ZNF519: variants seen among roughly 807,000 people sequenced by gnomAD.
The protein encoded by ZNF519 is zinc finger protein 519, also known as similar to Zinc finger protein 85 (Zinc finger protein HPF4) (HTF1).
Under a neutral mutation model 7.4 loss-of-function variants are expected in ZNF519, and 7 were observed. That is an observed-to-expected ratio of 0.94 (90% CI 0.54 to 1.77). ZNF519 has a LOEUF of 1.77. Among genes scored for constraint, ZNF519 ranks in the 40% most tolerant of loss-of-function variants. ZNF519 has a pLI of 0.00. For synonymous variants in ZNF519, 179 were observed against 203.3 expected (o/e 0.88, Z 1.02); for missense variants, 586 against 623.1 (o/e 0.94, Z 0.63).
At chr18:14,131,135 G>T (rs1280091525) in intron 1 of ZNF519, among the ~76,000 whole-genome samples, 1 of 152,114 alleles carries the variant, frequency 6.6e-6, no homozygotes, top group Non-Finnish European at 1.5e-5. Flanking sequence ...GTTTCCCAAC[G>T]AAAACCTCAA....
chr18:14,072,982 T>C (rs1439749931), downstream of ZNF519: 1 of 152,150 alleles, frequency 6.6e-6, no homozygotes, highest in Non-Finnish European at 1.5e-5. Flanking sequence ...CATAGCCAGA[T>C]TTGAAGACAC....
At chr18:14,120,968 T>C (rs1420230771) in intron 2 of ZNF519, among the ~76,000 whole-genome samples, 1 of 152,066 alleles carries the variant, frequency 6.6e-6, no homozygotes, top group Admixed American at 6.6e-5. Context: ...TGTGTGTGTG[T>C]GTACATACAC....
chr18:14,131,181 G>A (rs2046328006), intron 1 of ZNF519, among the ~76,000 whole-genome samples: 1 of 152,142 alleles, frequency 6.6e-6, no homozygotes, highest in South Asian at 2.1e-4. Flanking sequence ...TTGTGCTAAG[G>A]GAGGATACAA....
At chr18:14,099,273 C>A (rs1468378978), downstream of ZNF519, among the ~76,000 whole-genome samples, 1 of 145,710 alleles carries the variant, frequency 6.9e-6, no homozygotes, top group Non-Finnish European at 1.5e-5. Context: ...AAAAATACTT[C>A]TTCCTTATTT....
Position 14,086,185 on chromosome 18 carries a change from C to T in ZNF519, c.131-1109G>A, listed in dbSNP as rs569563431. On this transcript the variant is annotated intron_variant and NMD_transcript_variant, in intron 2 of 4. Coordinates refer to the ZNF519 transcript ENST00000587419. ...CAGTGCTGGCATACCATCGTGAAAC[C>T]CAACACTGGGGAAGACTCAGTGGCC... Among the ~76,000 whole-genome samples the T allele has an allele frequency of 3.7e-4, 56 of 152,302 alleles. 1 individual carries two copies. Among genetic ancestry groups the T allele is most frequent in the South Asian group, 2.9e-3 (14 of 4,824 alleles).
chr18:14,124,278 G>A, intron 2 of ZNF519, 72 bp downstream of exon 2: 7 of 1,417,946 alleles, frequency 4.9e-6, no homozygotes, highest in Non-Finnish European at 5.7e-6. Flanking sequence ...AAGCTCTCAA[G>A]AGACAGTCTA....
At chr18:14,089,002 A>T (rs1598509392) in intron 2 of ZNF519, among the ~76,000 whole-genome samples, 1 of 152,164 alleles carries the variant, frequency 6.6e-6, no homozygotes, top group Non-Finnish European at 1.5e-5. Context: ...TTTATTTTTT[A>T]AAAATTACCT....
intron 2 of ZNF519, among the ~76,000 whole-genome samples, chr18:14,110,330 A>G (rs1236815591): frequency 6.6e-6 from 1 of 152,284 alleles, no homozygotes; most frequent in African/African-American, 2.4e-5. Flanking sequence ...ATGCAACAAA[A>G]ACAAACATAA....
chr18:14,086,426 G>A (rs890199416), intron 2 of ZNF519, among the ~76,000 whole-genome samples: 2 of 152,214 alleles, frequency 1.3e-5, no homozygotes, highest in Non-Finnish European at 2.9e-5. Flanking sequence ...GTGGCTTTGG[G>A]CATGATGTAG....
intron 1 of ZNF519, among the ~76,000 whole-genome samples, chr18:14,128,690 A>AACTCAC (rs2046313859): frequency 7.7e-6 from 1 of 130,558 alleles, no homozygotes; most frequent in African/African-American, 3.0e-5. Flanking sequence ...TTCTGAGTCA[A>AACTCAC]ACACACACAC....
At chr18:14,106,534 A>C (rs1307038986) in intron 2 of ZNF519, 125 bp from the exon 3 acceptor site, 2 of 759,974 alleles carry the variant, frequency 2.6e-6, no homozygotes, top group Admixed American at 6.5e-5. Flanking sequence ...AAAACCAAGA[A>C]AGGACAGAGC....
intron 2 of ZNF519, among the ~76,000 whole-genome samples, chr18:14,089,396 C>CTAA (rs2046104975): frequency 1.3e-5 from 2 of 152,130 alleles, no homozygotes; most frequent in Admixed American, 6.5e-5. Flanking sequence ...TAGTCTGAGG[C>CTAA]TAATGAAAGA....
rs942651210 is a variant in ZNF519 at position 14,102,353 on chromosome 18, G to A, written c.*2564C>T. On this transcript the variant is annotated 3_prime_UTR_variant, in exon 3 of 3. Transcript: ENST00000590202. The stretch of plus-strand genomic sequence containing the variant: ...CAGCTAATTTTTTGTATTTTTGGTA[G>A]AGAGAGGGTTTTACTAAGTTGGCTA... 6.6e-6 allele frequency: 1 copy of A among 152,124 alleles called. No individual in the cohort carries two copies. The highest frequency in any genetic ancestry group is 1.5e-5 in the Non-Finnish European group (1 of 68,048). The allele number at this position is 152,124 out of a possible 1,614,324, so 9.4% of individuals were successfully genotyped here. A position where few individuals can be genotyped will look rare whatever the true frequency, so the allele number is the denominator to read the frequency against.
chr18:14,113,862 T>G (rs984375804), intron 2 of ZNF519, among the ~76,000 whole-genome samples: 13 of 133,234 alleles, frequency 9.8e-5, no homozygotes, highest in Admixed American at 8.2e-5. Flanking sequence ...AACATCTCAC[T>G]GTCATTTTGA....
chr18:14,087,302 AT>A (rs1331906051), intron 2 of ZNF519, among the ~76,000 whole-genome samples: 1 of 152,204 alleles, frequency 6.6e-6, no homozygotes, highest in African/African-American at 2.4e-5. Flanking sequence ...TATGTTTACC[AT>A]TTTTATTCAA....
downstream of ZNF519, among the ~76,000 whole-genome samples, chr18:14,099,749 C>A (rs1347070654): frequency 6.6e-6 from 1 of 152,064 alleles, no homozygotes; most frequent in Non-Finnish European, 1.5e-5. Context: ...ACCTTGTGTG[C>A]AAAAAGGTCT....
At chr18:14,083,938 C>T (rs1237540896) in intron 3 of ZNF519, among the ~76,000 whole-genome samples, 3 of 152,198 alleles carry the variant, frequency 2.0e-5, no homozygotes, top group Non-Finnish European at 4.4e-5. Context: ...TCCTATCCCT[C>T]TAACCCCACA....
rs558967461 is a variant in ZNF519 at position 14,092,298 on chromosome 18, A to C, written c.131-7222T>G. ...GTGTGAAGGGGGTGTCCTTCATTGG[A>C]ACACGAAGAGATGGCAGAGAAGTGC... is the stretch of plus-strand genomic sequence containing the variant. On this transcript the variant is annotated intron_variant and NMD_transcript_variant, in intron 2 of 4. Coordinates refer to the ZNF519 transcript ENST00000587419. Among the ~76,000 whole-genome samples the C allele has an allele frequency of 9.5e-4, 145 of 152,236 alleles. 1 individual carries two copies. Among genetic ancestry groups the C allele is most frequent in the African/African-American group, 3.5e-3 (144 of 41,516 alleles).
At chr18:14,123,530 G>T (rs1326552383) in intron 2 of ZNF519, among the ~76,000 whole-genome samples, 1 of 151,960 alleles carries the variant, frequency 6.6e-6, no homozygotes, top group Admixed American at 6.6e-5. Flanking sequence ...ATCAGCCTGG[G>T]CAACATGGCA....
Sources: gnomAD v4.1 joint callset for allele counts (sites outside exome capture counted in the v4.1 genomes callset) on GRCh38, gnomAD v4.1.1 for gene constraint, MANE v1.5 for transcripts, NCBI Gene and HGNC (gene_info 2026-07-23, HGNC 2026-07-21) for gene names.